RIC8B: variants seen among roughly 807,000 people sequenced by gnomAD.
RIC8B encodes RIC8 guanine nucleotide exchange factor B.
Under a neutral mutation model 57.5 loss-of-function variants are expected in RIC8B, and 16 were observed. The ratio of observed to expected loss-of-function variants is 0.28; its 90% CI spans 0.19 to 0.42. RIC8B has a LOEUF of 0.42. Among genes scored for constraint, RIC8B ranks in the 10% least tolerant of loss-of-function variants. The pLI is 1.00. For synonymous variants in RIC8B, 216 were observed against 250.8 expected (o/e 0.86, Z 1.31); for missense variants, 481 against 677.0 (o/e 0.71, Z 3.21).
Position 106,814,634 on chromosome 12 carries a change from C to T in RIC8B, c.133-62C>T. The T allele has an allele frequency of 4.0e-6, 6 of 1,493,806 alleles. No individual in the cohort carries two copies. The South Asian group carries it at 6.7e-5, about 17-fold the overall frequency. The allele number at this position is 1,493,806 out of a possible 1,614,324, so 92.5% of individuals were successfully genotyped here. A position where few individuals can be genotyped will look rare whatever the true frequency, so the allele number is the denominator to read the frequency against. On this transcript the variant is annotated intron_variant, in intron 2 of 9. Coordinates refer to ENST00000392837, the MANE Select transcript of RIC8B (RefSeq NM_001330145.2). ...GTTGTTAAGTACATTGGCAGAGAAA[C>T]ATTCTGTGTTAAGTCATTTGAGCCA...
At chr12:106,814,358 A>G (rs2045473701) in intron 2 of RIC8B, among the ~76,000 whole-genome samples, 1 of 152,232 alleles carries the variant, frequency 6.6e-6, no homozygotes, top group Non-Finnish European at 1.5e-5. Context: ...GCTGCTAAAG[A>G]GCTATAAATT....
intron 1 of RIC8B, among the ~76,000 whole-genome samples, chr12:106,776,824 T>C (rs966824492): frequency 6.6e-6 from 1 of 152,192 alleles, no homozygotes. Context: ...AGCCTGAGAG[T>C]GCTCTGACTA....
chr12:106,835,337 A>G (rs2046548214), intron 4 of RIC8B, among the ~76,000 whole-genome samples: 1 of 152,186 alleles, frequency 6.6e-6, no homozygotes, highest in South Asian at 2.1e-4. Context: ...CTTTAGGTTT[A>G]GGAACCTGTT....
At chr12:106,861,319 C>G (rs935427577) in intron 8 of RIC8B, among the ~76,000 whole-genome samples, 1 of 152,008 alleles carries the variant, frequency 6.6e-6, no homozygotes, top group Non-Finnish European at 1.5e-5. Flanking sequence ...CTATCTTTAT[C>G]TGCAAAATTA....
At chr12:106,878,293 G>C (rs534408325) in intron 9 of RIC8B, among the ~76,000 whole-genome samples, 2 of 152,194 alleles carry the variant, frequency 1.3e-5, no homozygotes, top group African/African-American at 4.8e-5. Context: ...ATGTTTACCA[G>C]TCCAAAGGTT....
At chr12:106,875,293 G>A (rs76736976) in intron 9 of RIC8B, among the ~76,000 whole-genome samples, 4,608 of 152,196 alleles carry the variant, frequency 0.03, 244 homozygotes, top group African/African-American at 0.11. Context: ...TGTGAGGGCA[G>A]AGATGGAAAA....
Position 106,783,990 on chromosome 12 carries a change from C to G in RIC8B, c.85-7C>G. ...AAATGACATTGTTTCCCTTTTTTCC[C>G]CCTCAGCATAGGGCTACTTTCAAAT... is the stretch of plus-strand genomic sequence containing the variant. On this transcript the variant is annotated splice_region_variant and splice_polypyrimidine_tract_variant and intron_variant, in intron 1 of 9. Transcript: ENST00000392837. 1.2e-6 allele frequency: 2 copies of G among 1,610,872 alleles called. No individual in the cohort carries two copies. Among genetic ancestry groups the G allele is most frequent in the Non-Finnish European group, 1.7e-6 (2 of 1,178,582 alleles).
At chr12:106,858,333 C>T (rs1949789679) in intron 7 of RIC8B, among the ~76,000 whole-genome samples, 1 of 152,054 alleles carries the variant, frequency 6.6e-6, no homozygotes, top group African/African-American at 2.4e-5. Context: ...TAAGCTTTAT[C>T]AGTAATGCTT....
intron 2 of RIC8B, among the ~76,000 whole-genome samples, chr12:106,804,958 G>C (rs1422042364): frequency 4.6e-5 from 7 of 152,152 alleles, no homozygotes; most frequent in Non-Finnish European, 1.5e-5. Flanking sequence ...AATCCAGGAA[G>C]TAACATGAGA....
intron 9 of RIC8B, among the ~76,000 whole-genome samples, chr12:106,872,367 G>A (rs1950469238): frequency 1.3e-5 from 2 of 152,098 alleles, no homozygotes; most frequent in South Asian, 4.1e-4. Flanking sequence ...AAAACAACAG[G>A]ATAAGAACCA....
chr12:106,785,717 G>A (rs1302668803), intron 2 of RIC8B, among the ~76,000 whole-genome samples: 2 of 151,490 alleles, frequency 1.3e-5, no homozygotes, highest in African/African-American at 2.4e-5. Context: ...AAATAGCCCT[G>A]CTCAGGCCCA....
intron 9 of RIC8B, among the ~76,000 whole-genome samples, chr12:106,877,807 G>A (rs1027945340): frequency 2.6e-4 from 40 of 152,070 alleles, no homozygotes; most frequent in African/African-American, 9.2e-4. Flanking sequence ...AACATTATGA[G>A]ATGTTTTTGC....
In RIC8B at chr12:106,886,024, C is replaced by T; in HGVS notation, c.*9C>T. 6.5e-7 allele frequency: 1 copy of T among 1,549,766 alleles called. No individual in the cohort carries two copies. Among genetic ancestry groups the T allele is most frequent in the African/African-American group, 1.4e-5 (1 of 73,762 alleles). The stretch of plus-strand genomic sequence containing the variant: ...GCTCTGACACAGACTAAAAGCATCA[C>T]CTGCTCAACTCTCAATATTGCTTTA... On this transcript the variant is annotated 3_prime_UTR_variant, in exon 10 of 10. Coordinates refer to ENST00000392837, the MANE Select transcript of RIC8B (RefSeq NM_001330145.2).
intron 7 of RIC8B, among the ~76,000 whole-genome samples, chr12:106,852,416 C>T (rs917137956): frequency 2.0e-5 from 3 of 152,150 alleles, no homozygotes; most frequent in Non-Finnish European, 2.9e-5. Context: ...GTTCACTCCT[C>T]CTAAAATCTT....
At chr12:106,839,338 C>G (rs1240276725) in intron 4 of RIC8B, among the ~76,000 whole-genome samples, 1 of 152,090 alleles carries the variant, frequency 6.6e-6, no homozygotes, top group Non-Finnish European at 1.5e-5. Context: ...AGAGCAGAAT[C>G]AGTAGAGTAT....
intron 1 of RIC8B, among the ~76,000 whole-genome samples, chr12:106,782,056 T>G (rs531685159): frequency 1.3e-5 from 2 of 151,838 alleles, no homozygotes; most frequent in African/African-American, 4.8e-5. Flanking sequence ...TTAAAAAAAA[T>G]TTTTATTATG....
chr12:106,819,524 G>A (rs1031316852), intron 3 of RIC8B, among the ~76,000 whole-genome samples: 4 of 152,220 alleles, frequency 2.6e-5, no homozygotes, highest in Admixed American at 1.3e-4. Context: ...GGCTGAGGCA[G>A]GAGCATGGCT....
At chr12:106,846,075 A>G (rs1202423714) in intron 6 of RIC8B, among the ~76,000 whole-genome samples, 1 of 152,138 alleles carries the variant, frequency 6.6e-6, no homozygotes, top group Admixed American at 6.5e-5. Flanking sequence ...ATCTCATTCA[A>G]GAGTCATGGT....
At chr12:106,843,477 CATA>C (rs1351577411) in intron 5 of RIC8B, among the ~76,000 whole-genome samples, 2 of 152,020 alleles carry the variant, frequency 1.3e-5, no homozygotes, top group African/African-American at 4.8e-5. Flanking sequence ...GCTTAGGTAA[CATA>C]AGATGTCCCC....
Sources: allele counts gnomAD v4.1 joint callset (sites outside exome capture counted in the v4.1 genomes callset), GRCh38; gene constraint gnomAD v4.1.1; transcripts MANE v1.5; gene names NCBI Gene and HGNC (gene_info 2026-07-23, HGNC 2026-07-21).